Variants in MALRD1 observed in about 807,000 individuals in gnomAD.
MALRD1 encodes MAM and LDL receptor class A domain containing 1, also known as MAM and LDL-receptor class A domain-containing protein 1.
In MALRD1, 247 loss-of-function variants were observed where a neutral mutation model predicts 242.1. The ratio of observed to expected loss-of-function variants is 1.02; its 90% CI spans 0.92 to 1.13. The LOEUF (loss-of-function observed/expected upper bound fraction) is 1.13, where lower values mean the gene tolerates loss of function less well. Ranked by LOEUF, MALRD1 falls within the 50% of genes most tolerant of loss-of-function variation. MALRD1 has a pLI of 0.00. For missense variants in MALRD1, 2,989 were observed against 2,533.1 expected (o/e 1.18, Z -3.86); for synonymous variants, 995 against 866.6 (o/e 1.15, Z -2.60).
chr10:19,097,761 T>C (rs1836096017), intron 4 of MALRD1, among the ~76,000 whole-genome samples: 1 of 152,184 alleles, frequency 6.6e-6, no homozygotes, highest in Admixed American at 6.5e-5. Flanking sequence ...CTTGGGAGTG[T>C]CCTGGTATCC....
At chr10:19,604,782 C>T (rs1838527988) in intron 34 of MALRD1, among the ~76,000 whole-genome samples, 2 of 152,120 alleles carry the variant, frequency 1.3e-5, no homozygotes, top group Admixed American at 1.3e-4. Context: ...TAGGCTGTTG[C>T]ACATTTAATT....
intron 38 of MALRD1, among the ~76,000 whole-genome samples, chr10:19,727,657 T>C (rs913547864): frequency 6.6e-6 from 1 of 152,138 alleles, no homozygotes; most frequent in Non-Finnish European, 1.5e-5. Context: ...CTAGAGGTGG[T>C]TATATTCTTT....
chr10:19,616,370 A>T (rs201211869), intron 36 of MALRD1, among the ~76,000 whole-genome samples: 1 of 152,038 alleles, frequency 6.6e-6, no homozygotes, highest in Non-Finnish European at 1.5e-5. Flanking sequence ...GTGGGTATTT[A>T]TAAGTAAAGT....
At chr10:19,714,493 A>G (rs138116946) in intron 38 of MALRD1, among the ~76,000 whole-genome samples, 2 of 152,262 alleles carry the variant, frequency 1.3e-5, no homozygotes, top group African/African-American at 4.8e-5. Flanking sequence ...TTATACGCAC[A>G]GGATGGGGGC....
At chr10:19,283,203 A>G (rs1028908977) in intron 21 of MALRD1, 22 bp downstream of exon 21, 4 of 1,487,132 alleles carry the variant, frequency 2.7e-6, no homozygotes, top group East Asian at 5.2e-5. Context: ...TGTATTTTGA[A>G]TATCTCTCTT....
intron 36 of MALRD1, among the ~76,000 whole-genome samples, chr10:19,627,622 G>A (rs555532159): frequency 8.6e-5 from 13 of 151,718 alleles, no homozygotes; most frequent in South Asian, 2.1e-4. Flanking sequence ...TTAACCAGGC[G>A]TGGTGGCAGG....
At chr10:19,390,815 A>C (rs1846307331) in intron 28 of MALRD1, among the ~76,000 whole-genome samples, 1 of 152,208 alleles carries the variant, frequency 6.6e-6, no homozygotes, top group African/African-American at 2.4e-5. Flanking sequence ...TGACTTTATA[A>C]CTTAGAACTC....
chr10:19,625,735 G>A (rs1839624158), intron 36 of MALRD1, among the ~76,000 whole-genome samples: 1 of 152,138 alleles, frequency 6.6e-6, no homozygotes, highest in African/African-American at 2.4e-5. Flanking sequence ...ATTAATAGTT[G>A]TTTTCTTTAC....
chr10:19,650,296 A>G (rs1017089447), intron 36 of MALRD1, among the ~76,000 whole-genome samples: 2 of 152,232 alleles, frequency 1.3e-5, no homozygotes, highest in African/African-American at 4.8e-5. Flanking sequence ...ATGAAATACA[A>G]CACAACTTCA....
rs180833397 is a variant in MALRD1 at position 19,073,194 on chromosome 10, C to T, written c.340+6335C>T. On this transcript the variant is annotated intron_variant, in intron 2 of 39. Coordinates refer to ENST00000454679, the MANE Select transcript of MALRD1 (RefSeq NM_001142308.3). ...CCTCCCGAAGTGCTGGAATTACAGG[C>T]GTGAGCCACCACACCAGGCCTCTTA... 6.2e-4 allele frequency among the ~76,000 whole-genome samples: 94 copies of T among 152,176 alleles called. 4 individuals carry two copies. The East Asian group carries it at 0.015, about 25-fold the overall frequency.
chr10:19,687,635 T>C (rs748809373), intron 36 of MALRD1, among the ~76,000 whole-genome samples: 2 of 152,292 alleles, frequency 1.3e-5, no homozygotes, highest in South Asian at 4.1e-4. Context: ...TAAAAACAAA[T>C]ACTTGCTTTA....
chr10:19,594,018 T>C (rs1451278380), intron 33 of MALRD1, among the ~76,000 whole-genome samples: 2 of 152,176 alleles, frequency 1.3e-5, no homozygotes, highest in East Asian at 3.9e-4. Flanking sequence ...CGGATCTCTA[T>C]TTCTGTGGCC....
chr10:19,591,990 G>GT (rs1837813733), intron 33 of MALRD1, among the ~76,000 whole-genome samples: 1 of 152,352 alleles, frequency 6.6e-6, no homozygotes, highest in Admixed American at 6.5e-5. Context: ...CGGAGTGAAT[G>GT]AAGGACTGCC....
chr10:19,557,397 C>T (rs1835769582), intron 32 of MALRD1, among the ~76,000 whole-genome samples: 1 of 152,086 alleles, frequency 6.6e-6, no homozygotes, highest in African/African-American at 2.4e-5. Context: ...ATGTTATCTT[C>T]TACAAGTTTT....
chr10:19,424,435 C>G (rs1014136477), intron 28 of MALRD1, among the ~76,000 whole-genome samples: 2 of 152,218 alleles, frequency 1.3e-5, no homozygotes, highest in African/African-American at 4.8e-5. Context: ...TCTGGGATCA[C>G]AGGCATGAGC....
chr10:19,170,477 T>C (rs1834876200), intron 13 of MALRD1, among the ~76,000 whole-genome samples: 1 of 152,200 alleles, frequency 6.6e-6, no homozygotes, highest in South Asian at 2.1e-4. Flanking sequence ...GGATACCATG[T>C]TCTGTCTTTA....
At chr10:19,171,861 TACATATATAC>T (rs1444214692) in intron 13 of MALRD1, among the ~76,000 whole-genome samples, 2 of 143,824 alleles carry the variant, frequency 1.4e-5, no homozygotes, top group Non-Finnish European at 3.0e-5. Context: ...TACATATATA[TACATATATAC>T]ACGTATATAC....
intron 28 of MALRD1, among the ~76,000 whole-genome samples, chr10:19,415,942 A>G (rs531611085): frequency 6.6e-6 from 1 of 152,318 alleles, no homozygotes; most frequent in Admixed American, 6.5e-5. Flanking sequence ...TCAACCTTTT[A>G]CTTAATGAAG....
At chr10:19,060,043 G>A (rs1834777454) in intron 1 of MALRD1, among the ~76,000 whole-genome samples, 1 of 152,166 alleles carries the variant, frequency 6.6e-6, no homozygotes, top group Non-Finnish European at 1.5e-5. Context: ...GCATTGTCTA[G>A]TCCTATTTGA....
Sources: allele counts gnomAD v4.1 joint callset (sites outside exome capture counted in the v4.1 genomes callset), GRCh38; gene constraint gnomAD v4.1.1; transcripts MANE v1.5; gene names NCBI Gene and HGNC (gene_info 2026-07-23, HGNC 2026-07-21).